Variants in C1orf21 observed in about 807,000 individuals in gnomAD.
The protein encoded by C1orf21 is chromosome 1 open reading frame 21, also known as uncharacterized protein C1orf21.
C1orf21 carries 3 observed loss-of-function variants against 18.7 expected under a neutral mutation model. That is an observed-to-expected ratio of 0.16 (90% CI 0.07 to 0.42). The LOEUF is 0.42. Ranked by LOEUF, C1orf21 falls within the 10% of genes least tolerant of loss-of-function variation. C1orf21 has a pLI of 0.99. For missense variants in C1orf21, 104 were observed against 143.6 expected (o/e 0.72, Z 1.41); for synonymous variants, 41 against 46.4 (o/e 0.88, Z 0.47).
At chr1:184,472,930 A>G (rs541968264) in intron 1 of C1orf21, among the ~76,000 whole-genome samples, 1 of 152,354 alleles carries the variant, frequency 6.6e-6, no homozygotes, top group East Asian at 1.9e-4. Flanking sequence ...TACATTTTTA[A>G]AAATATTTCA....
intron 2 of C1orf21, among the ~76,000 whole-genome samples, chr1:184,502,155 GGTA>G (rs2101961283): frequency 3.3e-3 from 1 of 304 alleles, no homozygotes; most frequent in African/African-American, 0.014. Context: ...CCACAGACTG[GGTA>G]TTTTTGCAAA....
chr1:184,599,140 C>T (rs1659554804), intron 5 of C1orf21, among the ~76,000 whole-genome samples: 1 of 152,104 alleles, frequency 6.6e-6, no homozygotes, highest in Admixed American at 6.5e-5. Flanking sequence ...AATTTAAATT[C>T]ATCTCTTCAA....
chr1:184,565,387 T>A (rs1317013644), intron 3 of C1orf21, among the ~76,000 whole-genome samples: 1 of 152,230 alleles, frequency 6.6e-6, no homozygotes, highest in African/African-American at 2.4e-5. Flanking sequence ...ACTAAGGCTC[T>A]AAGAGTTTAA....
Position 184,482,546 on chromosome 1 carries a change from A to T in C1orf21, c.94+4943A>T, listed in dbSNP as rs143554519. Among the ~76,000 whole-genome samples, 30 of 152,342 alleles carry T rather than the reference A, an allele frequency of 2.0e-4. No individual in the cohort carries two copies. The East Asian group carries it at 5.6e-3, about 28-fold the overall frequency. On this transcript the variant is annotated intron_variant, in intron 2 of 5. Transcript: ENST00000235307. The stretch of plus-strand genomic sequence containing the variant: ...ATGACTGGGATATATTTCAACCTGG[A>T]CAATTATATTCTGCTTTCTAAAATA...
intron 3 of C1orf21, among the ~76,000 whole-genome samples, chr1:184,512,665 G>C (rs920706065): frequency 2.0e-5 from 3 of 152,028 alleles, no homozygotes; most frequent in Non-Finnish European, 2.9e-5. Context: ...ATCAGTATGG[G>C]GCCTAGCTTC....
At chr1:184,511,349 C>T (rs113868830) in intron 3 of C1orf21, among the ~76,000 whole-genome samples, 280 of 152,230 alleles carry the variant, frequency 1.8e-3, no homozygotes, top group African/African-American at 6.4e-3. Flanking sequence ...CTTGGGAACC[C>T]GCTTTCTGGT....
At chr1:184,581,209 C>G (rs1659270268) in intron 3 of C1orf21, among the ~76,000 whole-genome samples, 1 of 152,124 alleles carries the variant, frequency 6.6e-6, no homozygotes, top group Non-Finnish European at 1.5e-5. Flanking sequence ...GGTGGATCAC[C>G]TGAGGTTGGG....
At chr1:184,469,560 GA>G (rs1341478665) in intron 1 of C1orf21, among the ~76,000 whole-genome samples, 1 of 152,212 alleles carries the variant, frequency 6.6e-6, no homozygotes, top group Non-Finnish European at 1.5e-5. Context: ...CTGGCACCAT[GA>G]AAGTAAACTG....
intron 4 of C1orf21, among the ~76,000 whole-genome samples, chr1:184,593,908 A>G (rs993216050): frequency 2.0e-5 from 3 of 152,250 alleles, no homozygotes; most frequent in Non-Finnish European, 4.4e-5. Flanking sequence ...CGCACTCTAT[A>G]AAGTTAAAAA....
chr1:184,539,668 C>A (rs1439748825), intron 3 of C1orf21, among the ~76,000 whole-genome samples: 1 of 152,144 alleles, frequency 6.6e-6, no homozygotes, highest in Non-Finnish European at 1.5e-5. Context: ...TGAAAAAATC[C>A]TGCAAAGTTT....
chr1:184,567,245 G>T (rs1659047218), intron 3 of C1orf21: 2 of 466,980 alleles, frequency 4.3e-6, no homozygotes, highest in Admixed American at 4.9e-5. Flanking sequence ...AAGTCCAGAG[G>T]AGCTCCATGT....
At chr1:184,408,174 G>A (rs764898741) in intron 1 of C1orf21, among the ~76,000 whole-genome samples, 2 of 152,206 alleles carry the variant, frequency 1.3e-5, no homozygotes, top group South Asian at 4.1e-4. Context: ...AATGAGAAAA[G>A]TGTCCTAAAT....
chr1:184,517,708 T>A (rs1658251047), intron 3 of C1orf21, among the ~76,000 whole-genome samples: 1 of 152,174 alleles, frequency 6.6e-6, no homozygotes, highest in Non-Finnish European at 1.5e-5. Context: ...TGGGGACCTC[T>A]AGAGGACTGA....
rs376411201 is a variant in C1orf21 at position 184,446,233 on chromosome 1, G to A, written c.-124-31153G>A. The stretch of plus-strand genomic sequence containing the variant: ...CTGCTTGAATTGGTTCCAGAGCTTG[G>A]TGCTTCAGAGTAGAGTATACAGTCA... On this transcript the variant is annotated intron_variant, in intron 1 of 5. Transcript: ENST00000235307. 4.6e-5 allele frequency among the ~76,000 whole-genome samples: 7 copies of A among 151,920 alleles called. No homozygotes were observed. In the South Asian group the frequency reaches 1.5e-3, roughly 32 times the overall value.
At chr1:184,610,964 CTT>C (rs1280270398) in intron 5 of C1orf21, among the ~76,000 whole-genome samples, 1 of 152,050 alleles carries the variant, frequency 6.6e-6, no homozygotes, top group African/African-American at 2.4e-5. Flanking sequence ...CTTACTCTCT[CTT>C]GGAAATGAAA....
chr1:184,561,485 C>A (rs943836115), intron 3 of C1orf21, among the ~76,000 whole-genome samples: 7 of 152,194 alleles, frequency 4.6e-5, no homozygotes, highest in Non-Finnish European at 1.0e-4. Flanking sequence ...AGGACATACT[C>A]AGATCATGTG....
intron 5 of C1orf21, among the ~76,000 whole-genome samples, chr1:184,607,068 C>T (rs962415451): frequency 6.6e-6 from 1 of 152,226 alleles, no homozygotes; most frequent in Non-Finnish European, 1.5e-5. Flanking sequence ...GCACATTCTG[C>T]TCTGTTCCTA....
chr1:184,505,340 T>TATATATATACAC (rs1285554960), intron 2 of C1orf21, among the ~76,000 whole-genome samples: 1 of 118,708 alleles, frequency 8.4e-6, no homozygotes, highest in African/African-American at 3.8e-5. Context: ...TATATATATA[T>TATATATATACAC]ACACACATGC....
chr1:184,611,394 GGCCCTGCA>G (rs1659734756), intron 5 of C1orf21, among the ~76,000 whole-genome samples: 1 of 152,190 alleles, frequency 6.6e-6, no homozygotes, highest in East Asian at 1.9e-4. Flanking sequence ...ACAGGAGGAG[GGCCCTGCA>G]GCCCTGCAGG....
Sources: gnomAD v4.1 joint callset for allele counts (sites outside exome capture counted in the v4.1 genomes callset) on GRCh38, gnomAD v4.1.1 for gene constraint, MANE v1.5 for transcripts, NCBI Gene and HGNC (gene_info 2026-07-23, HGNC 2026-07-21) for gene names.